Variants in GPC5 observed in about 807,000 individuals in gnomAD.
GPC5 encodes glypican-5.
Under a neutral mutation model 53.9 loss-of-function variants are expected in GPC5, and 47 were observed. The observed-to-expected ratio is 0.87, with a 90% CI of 0.69 to 1.11. GPC5 has a LOEUF of 1.11. Among genes scored for constraint, GPC5 ranks in the 50% most tolerant of loss-of-function variants. GPC5 has a pLI of 0.00. For missense variants in GPC5, 748 were observed against 713.1 expected (o/e 1.05, Z -0.56); for synonymous variants, 286 against 263.3 (o/e 1.09, Z -0.84).
At chr13:92,479,151 A>C (rs370549013) in intron 7 of GPC5, among the ~76,000 whole-genome samples, 1 of 152,154 alleles carries the variant, frequency 6.6e-6, no homozygotes, top group East Asian at 1.9e-4. Context: ...CTATTTATAG[A>C]GATACTGGTT....
chr13:92,602,557 T>C (rs1263261894), intron 7 of GPC5, among the ~76,000 whole-genome samples: 1 of 152,062 alleles, frequency 6.6e-6, no homozygotes, highest in Non-Finnish European at 1.5e-5. Flanking sequence ...TTATTTCTTT[T>C]ACACCAGTGT....
chr13:92,046,358 C>A (rs948635650), intron 6 of GPC5, among the ~76,000 whole-genome samples: 8 of 152,164 alleles, frequency 5.3e-5, no homozygotes, highest in Non-Finnish European at 1.5e-5. Flanking sequence ...ATTCTCCAAG[C>A]AAACTCCTCC....
chr13:92,376,480 T>C (rs898274593), intron 7 of GPC5, among the ~76,000 whole-genome samples: 3 of 152,160 alleles, frequency 2.0e-5, no homozygotes, highest in African/African-American at 7.2e-5. Context: ...CATGTACTAC[T>C]CCAAAAGCAT....
At chr13:92,482,394 G>A (rs181127860) in intron 7 of GPC5, among the ~76,000 whole-genome samples, 1 of 152,098 alleles carries the variant, frequency 6.6e-6, no homozygotes, top group Non-Finnish European at 1.5e-5. Context: ...TAGGTAGCCT[G>A]AAGAATCTCC....
At chr13:91,761,062 T>C (rs1247408208) in intron 5 of GPC5, among the ~76,000 whole-genome samples, 1 of 152,158 alleles carries the variant, frequency 6.6e-6, no homozygotes, top group Admixed American at 6.5e-5. Flanking sequence ...GAAAGGCATG[T>C]TAGTCTTTGT....
chr13:91,466,403 GT>G (rs967695232), intron 2 of GPC5, among the ~76,000 whole-genome samples: 2 of 151,934 alleles, frequency 1.3e-5, no homozygotes, highest in African/African-American at 4.8e-5. Flanking sequence ...ATGGTCCCAA[GT>G]TTTTTTTGTG....
intron 6 of GPC5, among the ~76,000 whole-genome samples, chr13:92,117,877 T>C (rs897650923): frequency 1.3e-5 from 2 of 152,202 alleles, no homozygotes; most frequent in African/African-American, 4.8e-5. Flanking sequence ...TGGACTGTTA[T>C]GTTGTCTGAA....
At chr13:91,587,417 T>A (rs2032639761) in intron 2 of GPC5, among the ~76,000 whole-genome samples, 1 of 152,158 alleles carries the variant, frequency 6.6e-6, no homozygotes. Context: ...ATTTGTATTG[T>A]TGTCCTCATA....
intron 7 of GPC5, among the ~76,000 whole-genome samples, chr13:92,724,912 A>ACACACAC (rs1555306824): frequency 2.4e-5 from 3 of 124,700 alleles, no homozygotes; most frequent in Non-Finnish European, 3.5e-5. Flanking sequence ...ACACACACAC[A>ACACACAC]AGAAAGAAAA....
chr13:91,632,081 G>A (rs16946316), intron 2 of GPC5, among the ~76,000 whole-genome samples: 8,897 of 152,212 alleles, frequency 0.058, 414 homozygotes, highest in South Asian at 0.23. Context: ...GATCTAAATG[G>A]GTCCAGGACA....
chr13:92,538,435 C>G (rs1473110914), intron 7 of GPC5, among the ~76,000 whole-genome samples: 1 of 150,486 alleles, frequency 6.6e-6, no homozygotes, highest in East Asian at 2.0e-4. Flanking sequence ...TCCTTTTTCC[C>G]ATTTCTTTTT....
At chr13:92,145,990 C>G (rs929812410) in intron 7 of GPC5, among the ~76,000 whole-genome samples, 1 of 152,006 alleles carries the variant, frequency 6.6e-6, no homozygotes, top group African/African-American at 2.4e-5. Flanking sequence ...TCTGGTTTTA[C>G]AAGCCAAATA....
chr13:92,453,632 T>C (rs142709408), intron 7 of GPC5, among the ~76,000 whole-genome samples: 44 of 152,326 alleles, frequency 2.9e-4, no homozygotes, highest in African/African-American at 1.1e-3. Context: ...TGAAAGAAAT[T>C]GCAAAATGCA....
chr13:92,553,558 C>G (rs1404669120), intron 7 of GPC5, among the ~76,000 whole-genome samples: 1 of 151,864 alleles, frequency 6.6e-6, no homozygotes, highest in African/African-American at 2.4e-5. Flanking sequence ...CCATACTCAA[C>G]CCCTGAGTGT....
At chr13:92,549,541 A>T (rs1882235875) in intron 7 of GPC5, among the ~76,000 whole-genome samples, 1 of 152,004 alleles carries the variant, frequency 6.6e-6, no homozygotes, top group South Asian at 2.1e-4. Context: ...TATATATTTC[A>T]CTATGTCTCA....
intron 2 of GPC5, among the ~76,000 whole-genome samples, chr13:91,536,132 T>G (rs1247198647): frequency 6.6e-6 from 1 of 152,254 alleles, no homozygotes; most frequent in Non-Finnish European, 1.5e-5. Context: ...TTGATAAATT[T>G]GTTTTGCATA....
chr13:91,554,123 T>C (rs2030805978), intron 2 of GPC5, among the ~76,000 whole-genome samples: 2 of 152,076 alleles, frequency 1.3e-5, no homozygotes, highest in African/African-American at 4.8e-5. Context: ...AAACTGGACC[T>C]TCTAGTTTGC....
chr13:91,879,676 C>A (rs1327624016), intron 5 of GPC5, among the ~76,000 whole-genome samples: 1 of 152,204 alleles, frequency 6.6e-6, no homozygotes, highest in Non-Finnish European at 1.5e-5. Context: ...TCTCCAAAAA[C>A]CCTCACATTG....
chr13:92,752,499 A>G (rs1355226674), intron 7 of GPC5, among the ~76,000 whole-genome samples: 4 of 152,198 alleles, frequency 2.6e-5, no homozygotes, highest in Admixed American at 2.6e-4. Flanking sequence ...AGATGGCCGA[A>G]TAGGAATAGC....
Sources: gnomAD v4.1 joint callset for allele counts (sites outside exome capture counted in the v4.1 genomes callset) on GRCh38, gnomAD v4.1.1 for gene constraint, MANE v1.5 for transcripts, NCBI Gene and HGNC (gene_info 2026-07-23, HGNC 2026-07-21) for gene names.